Variants in DMD observed in about 807,000 individuals in gnomAD.
The protein encoded by DMD is mutant dystrophin.
A neutral mutation model predicts 330.1 loss-of-function variants in DMD; 63 were observed. The observed-to-expected ratio is 0.19, with a 90% CI of 0.16 to 0.24. DMD has a LOEUF of 0.24. Among genes scored for constraint, DMD ranks in the 10% least tolerant of loss-of-function variants. DMD has a pLI of 1.00. For missense variants in DMD, 3,344 were observed against 2,684.1 expected (o/e 1.25, Z -5.43); for synonymous variants, 1,223 against 959.8 (o/e 1.27, Z -5.07).
At chrX:31,583,788 A>G in intron 55 of DMD, among the ~76,000 whole-genome samples, 1 of 108,921 alleles carries the variant, frequency 9.2e-6, no homozygotes, top group East Asian at 2.9e-4. Context: ...TTTAAGTTTT[A>G]GGGTCCATAT....
At position 33,114,235 on chromosome X, in the gene DMD, G is replaced by A. The variant is rs776122109; in HGVS notation, c.32-94035C>T. On this transcript the variant is annotated intron_variant, in intron 1 of 78. Coordinates refer to ENST00000357033, the MANE Select transcript of DMD (RefSeq NM_004006.3). The stretch of plus-strand genomic sequence containing the variant: ...AGCGATTCTCCTGTCTCAGCCTCCC[G>A]AGTAGCTGAGATTACAGATGCCCAC... Among the ~76,000 whole-genome samples, 3 of 107,006 alleles carry A rather than the reference G, an allele frequency of 2.8e-5. No homozygotes were observed. In the Admixed American group the frequency reaches 3.1e-4, roughly 11 times the overall value. The allele number at this position is 107,006 out of a possible 115,157, so 92.9% of individuals were successfully genotyped here.
chrX:31,478,875 C>T (rs1267556407), intron 58 of DMD, 108 bp downstream of exon 58: 1 of 861,967 alleles, frequency 1.2e-6, no homozygotes, highest in African/African-American at 2.1e-5. Flanking sequence ...TTCTATTTAA[C>T]CAAGAAAATA....
At chrX:31,787,920 A>C (rs1400837305) in intron 50 of DMD, among the ~76,000 whole-genome samples, 1 of 112,346 alleles carries the variant, frequency 8.9e-6, no homozygotes, top group East Asian at 2.8e-4. Flanking sequence ...CGTAGGAAAA[A>C]TTGCTTGTTA....
intron 44 of DMD, among the ~76,000 whole-genome samples, chrX:32,162,751 T>G (rs1025487956): frequency 4.6e-5 from 5 of 108,074 alleles, no homozygotes; most frequent in Non-Finnish European, 9.6e-5. Flanking sequence ...TTTTTTTTTT[T>G]GTATTTTTAG....
intron 51 of DMD, among the ~76,000 whole-genome samples, chrX:31,756,439 C>A (rs1436521272): frequency 9.6e-6 from 1 of 104,324 alleles, no homozygotes; most frequent in Non-Finnish European, 2.0e-5. Context: ...CGTATTTATA[C>A]CATATATGTT....
At chrX:33,015,245 A>G (rs1301106394) in intron 2 of DMD, among the ~76,000 whole-genome samples, 1 of 111,955 alleles carries the variant, frequency 8.9e-6, no homozygotes, top group Non-Finnish European at 1.9e-5. Flanking sequence ...TACAATAGCA[A>G]AGACGTGGAA....
chrX:32,289,107 T>C (rs1370257694), intron 42 of DMD, among the ~76,000 whole-genome samples: 1 of 111,765 alleles, frequency 8.9e-6, no homozygotes, highest in East Asian at 2.8e-4. Flanking sequence ...GTGGAATATA[T>C]TTGCTGTTTT....
At chrX:31,938,937 G>C (rs1325265946) in intron 45 of DMD, among the ~76,000 whole-genome samples, 4 of 111,129 alleles carry the variant, frequency 3.6e-5, no homozygotes, top group Non-Finnish European at 5.7e-5. Context: ...GTGTGTGTCT[G>C]TGTGTGTGTG....
intron 50 of DMD, among the ~76,000 whole-genome samples, chrX:31,804,070 C>A (rs1050228850): frequency 9.0e-6 from 1 of 111,127 alleles, no homozygotes; most frequent in South Asian, 3.9e-4. Context: ...GAGACTTCAG[C>A]TTTGTTTTAT....
intron 59 of DMD, among the ~76,000 whole-genome samples, chrX:31,460,014 A>T: frequency 8.9e-6 from 1 of 112,191 alleles, no homozygotes; most frequent in Middle Eastern, 4.6e-3. Flanking sequence ...AGGATAAGGG[A>T]AAAGTTTAAG....
At chrX:31,472,733 T>C (rs1253579610) in intron 59 of DMD, among the ~76,000 whole-genome samples, 2 of 112,228 alleles carry the variant, frequency 1.8e-5, no homozygotes, top group Admixed American at 9.5e-5. Flanking sequence ...CACTTCATCA[T>C]AATTTCTAGC....
At chrX:32,850,571 G>A (rs1176320813) in intron 2 of DMD, among the ~76,000 whole-genome samples, 1 of 111,885 alleles carries the variant, frequency 8.9e-6, no homozygotes, top group Non-Finnish European at 1.9e-5. Flanking sequence ...AGATGAGTAT[G>A]TGGCTCTTTG....
At chrX:32,143,116 T>C (rs1294211839) in intron 44 of DMD, among the ~76,000 whole-genome samples, 1 of 110,588 alleles carries the variant, frequency 9.0e-6, no homozygotes, top group Admixed American at 9.7e-5. Context: ...CATGTATTAC[T>C]TGGTTTTTGT....
chrX:31,306,404 C>T (rs941488954), intron 62 of DMD, among the ~76,000 whole-genome samples: 1 of 111,266 alleles, frequency 9.0e-6, no homozygotes, highest in Non-Finnish European at 1.9e-5. Context: ...GAATTTACAT[C>T]TTTGGACTCT....
intron 63 of DMD, among the ~76,000 whole-genome samples, chrX:31,238,333 A>G (rs2047932718): frequency 8.9e-6 from 1 of 111,777 alleles, no homozygotes; most frequent in Non-Finnish European, 1.9e-5. Flanking sequence ...GATCTGACCC[A>G]GCTTTTATTC....
intron 1 of DMD, among the ~76,000 whole-genome samples, chrX:33,173,346 C>T (rs1414826512): frequency 1.8e-5 from 2 of 111,466 alleles, no homozygotes; most frequent in African/African-American, 6.5e-5. Context: ...TAAAAGTTGG[C>T]TAAATGGCTA....
At chrX:33,247,387 TG>T (rs1313298437) in intron 1 of DMD, among the ~76,000 whole-genome samples, 3 of 112,037 alleles carry the variant, frequency 2.7e-5, no homozygotes, top group Non-Finnish European at 5.6e-5. Flanking sequence ...TATTTAGCTT[TG>T]GGGAAATATT....
intron 44 of DMD, among the ~76,000 whole-genome samples, chrX:32,136,903 T>A (rs6631501): frequency 0.49 from 52,837 of 108,121 alleles, 10,080 homozygotes; most frequent in East Asian, 0.71. Context: ...AGATTTACCT[T>A]AAGCTAGATG....
At chrX:32,988,022 T>A (rs1346937015) in intron 2 of DMD, among the ~76,000 whole-genome samples, 2 of 110,630 alleles carry the variant, frequency 1.8e-5, no homozygotes, top group African/African-American at 3.3e-5. Flanking sequence ...GCATGTCTCA[T>A]AATGAAAAGT....
Sources: gnomAD v4.1 joint callset for allele counts (sites outside exome capture counted in the v4.1 genomes callset) on GRCh38, gnomAD v4.1.1 for gene constraint, MANE v1.5 for transcripts, NCBI Gene and HGNC (gene_info 2026-07-23, HGNC 2026-07-21) for gene names.